The following SESTD1 variants were observed in gnomAD, a reference collection of about 807,000 sequenced individuals.
SESTD1 encodes the protein SEC14 and spectrin domain containing 1.
In SESTD1, 43 loss-of-function variants were observed where a neutral mutation model predicts 101.7. The observed-to-expected ratio is 0.42, with a 90% CI of 0.33 to 0.55. The LOEUF (loss-of-function observed/expected upper bound fraction) is 0.55, where lower values mean the gene tolerates loss of function less well. Among genes scored for constraint, SESTD1 ranks in the 20% least tolerant of loss-of-function variants. The probability of loss-of-function intolerance (pLI) is 0.07; values close to 1 mark genes in which losing one functional copy is unlikely to be tolerated. For synonymous variants in SESTD1, 283 were observed against 286.8 expected (o/e 0.99, Z 0.13); for missense variants, 647 against 815.1 (o/e 0.79, Z 2.51).
chr2:179,219,373 TAAC>T (rs2046770986), intron 1 of SESTD1, among the ~76,000 whole-genome samples: 1 of 152,218 alleles, frequency 6.6e-6, no homozygotes, highest in African/African-American at 2.4e-5. Flanking sequence ...GAGCATTTCT[TAAC>T]AACCAGTGAA....
chr2:179,263,173 T>G (rs1016965059), intron 1 of SESTD1, among the ~76,000 whole-genome samples: 1 of 152,188 alleles, frequency 6.6e-6, no homozygotes, highest in Non-Finnish European at 1.5e-5. Flanking sequence ...CCTTGGGGAA[T>G]TTTTTCACGT....
At chr2:179,139,523 T>C (rs554659562) in intron 9 of SESTD1, among the ~76,000 whole-genome samples, 57 of 152,374 alleles carry the variant, frequency 3.7e-4, no homozygotes, top group Non-Finnish European at 4.9e-4. Context: ...TTGGTGCCTA[T>C]TGACCTAGAA....
At chr2:179,207,605 C>T (rs1308268921) in intron 1 of SESTD1, among the ~76,000 whole-genome samples, 3 of 134,728 alleles carry the variant, frequency 2.2e-5, no homozygotes, top group Admixed American at 7.2e-5. Context: ...AGCCTGGTAA[C>T]CCCAATGGGT....
At chr2:179,136,242 A>T (rs2045141026) in intron 9 of SESTD1, among the ~76,000 whole-genome samples, 1 of 152,160 alleles carries the variant, frequency 6.6e-6, no homozygotes, top group Non-Finnish European at 1.5e-5. Context: ...GGATTATGAC[A>T]CTCATTATAT....
chr2:179,111,257 G>GT (rs1157417017), intron 17 of SESTD1, among the ~76,000 whole-genome samples: 3 of 152,210 alleles, frequency 2.0e-5, no homozygotes, highest in Non-Finnish European at 4.4e-5. Flanking sequence ...TTGAGATAAC[G>GT]TAAGTATAGA....
intron 1 of SESTD1, among the ~76,000 whole-genome samples, chr2:179,262,016 A>G (rs2047490001): frequency 6.6e-6 from 1 of 152,368 alleles, no homozygotes; most frequent in Middle Eastern, 3.4e-3. Context: ...GCATAGCCAT[A>G]TAACAAAATA....
At chr2:179,113,859 C>G (rs1267663610) in intron 16 of SESTD1, among the ~76,000 whole-genome samples, 1 of 141,078 alleles carries the variant, frequency 7.1e-6, no homozygotes, top group Non-Finnish European at 1.5e-5. Context: ...GAGTGAGACT[C>G]TGTCTCAAAA....
intron 1 of SESTD1, among the ~76,000 whole-genome samples, chr2:179,228,242 T>C (rs2046920623): frequency 6.6e-6 from 1 of 151,606 alleles, no homozygotes; most frequent in South Asian, 2.1e-4. Flanking sequence ...TGTGCACGCA[T>C]GTGTGTATGT....
intron 1 of SESTD1, among the ~76,000 whole-genome samples, chr2:179,195,903 G>A (rs866961406): frequency 6.6e-6 from 1 of 151,506 alleles, no homozygotes; most frequent in African/African-American, 2.4e-5. Flanking sequence ...GTAAATTCTT[G>A]TCCTAAAATA....
chr2:179,221,834 C>A (rs2046819937), intron 1 of SESTD1, among the ~76,000 whole-genome samples: 4 of 151,236 alleles, frequency 2.6e-5, no homozygotes, highest in Admixed American at 2.0e-4. Context: ...GTGAGAGGAT[C>A]CCTTGAGCCC....
chr2:179,188,972 T>A (rs568780365), intron 2 of SESTD1, among the ~76,000 whole-genome samples: 2 of 152,240 alleles, frequency 1.3e-5, no homozygotes, highest in South Asian at 4.1e-4. Context: ...CTGGACTAGA[T>A]GGATTCACAG....
At chr2:179,117,347 G>A (rs2044655498) in intron 14 of SESTD1, among the ~76,000 whole-genome samples, 185 bp downstream of exon 14, 1 of 152,136 alleles carries the variant, frequency 6.6e-6, no homozygotes, top group South Asian at 2.1e-4. Context: ...AGAAAATTAA[G>A]TTAAATGAGA....
At chr2:179,114,208 CG>C (rs1482543057) in intron 16 of SESTD1, among the ~76,000 whole-genome samples, 1 of 152,180 alleles carries the variant, frequency 6.6e-6, no homozygotes, top group East Asian at 1.9e-4. Context: ...CACTGATCTA[CG>C]GAGTTCAATG....
At chr2:179,225,278 T>C (rs1019651217) in intron 1 of SESTD1, among the ~76,000 whole-genome samples, 12 of 152,156 alleles carry the variant, frequency 7.9e-5, no homozygotes, top group Non-Finnish European at 1.5e-4. Context: ...TAGGGTTTTT[T>C]TTCCCGTATC....
intron 3 of SESTD1, among the ~76,000 whole-genome samples, chr2:179,180,658 T>C (rs1434715455): frequency 6.6e-6 from 1 of 152,228 alleles, no homozygotes; most frequent in African/African-American, 2.4e-5. Context: ...GGTGTCACCG[T>C]ATAATTCCTT....
intron 2 of SESTD1, among the ~76,000 whole-genome samples, chr2:179,186,684 ATTTTT>A (rs35153936): frequency 2.5e-5 from 3 of 118,682 alleles, no homozygotes; most frequent in Non-Finnish European, 1.7e-5. Flanking sequence ...TTTTCAGGGA[ATTTTT>A]TTTTTTTTTT....
At chr2:179,155,160 C>T (rs904333307) in intron 5 of SESTD1, among the ~76,000 whole-genome samples, 1 of 151,954 alleles carries the variant, frequency 6.6e-6, no homozygotes, top group Non-Finnish European at 1.5e-5. Context: ...AAGTGATCCA[C>T]CTGCCCTGGC....
At chr2:179,243,944 GTA>G (rs750528520) in intron 1 of SESTD1, among the ~76,000 whole-genome samples, 1,449 of 139,162 alleles carry the variant, frequency 0.01, 4 homozygotes, top group African/African-American at 0.02. Flanking sequence ...ATATGTGTGT[GTA>G]TATATATATA....
chr2:179,157,185 A>G (rs2045648488), intron 5 of SESTD1, among the ~76,000 whole-genome samples: 1 of 152,198 alleles, frequency 6.6e-6, no homozygotes, highest in South Asian at 2.1e-4. Flanking sequence ...GACCTCTACA[A>G]GACAAACTAC....
Sources: allele counts gnomAD v4.1 joint callset (sites outside exome capture counted in the v4.1 genomes callset), GRCh38; gene constraint gnomAD v4.1.1; transcripts MANE v1.5; gene names NCBI Gene and HGNC (gene_info 2026-07-23, HGNC 2026-07-21).